Variants in COA1 observed in about 807,000 individuals in gnomAD.
The protein encoded by COA1 is cytochrome c oxidase assembly factor 1, also known as cytochrome c oxidase assembly factor 1 homolog.
A neutral mutation model predicts 16.0 loss-of-function variants in COA1; 13 were observed. The ratio of observed to expected loss-of-function variants is 0.81; its 90% CI spans 0.53 to 1.29. The LOEUF (loss-of-function observed/expected upper bound fraction) is 1.29, where lower values mean the gene tolerates loss of function less well. Ranked by LOEUF, COA1 falls within the 50% of genes most tolerant of loss-of-function variation. The pLI is 0.00. For missense variants in COA1, 179 were observed against 177.0 expected, an observed-to-expected ratio of 1.01 and a Z score of -0.06; for synonymous variants, 65 against 65.7, an observed-to-expected ratio of 0.99 and a Z score of 0.05.
chr7:43,719,196 G>A (rs1422226199), intron 1 of COA1, among the ~76,000 whole-genome samples: 1 of 152,110 alleles, frequency 6.6e-6, no homozygotes, highest in East Asian at 1.9e-4. Context: ...TCGAACTCCT[G>A]ACCTCAAGTG....
intron 1 of COA1, among the ~76,000 whole-genome samples, chr7:43,715,879 T>C (rs1379251599): frequency 6.6e-6 from 1 of 152,120 alleles, no homozygotes; most frequent in Non-Finnish European, 1.5e-5. Context: ...AATCGAATCA[T>C]GGGGGCAGTT....
intron 1 of COA1, among the ~76,000 whole-genome samples, chr7:43,716,499 G>T (rs546610275): frequency 6.6e-6 from 1 of 152,302 alleles, no homozygotes; most frequent in Non-Finnish European, 1.5e-5. Context: ...TCTAGCAGAA[G>T]AAATTTCTAA....
intron 6 of COA1, chr7:43,623,506 TCTCTTAGAG>T (rs1368166852): frequency 5.0e-6 from 7 of 1,390,398 alleles, no homozygotes; most frequent in Non-Finnish European, 7.0e-6. Context: ...TAGTTTTTTA[TCTCTTAGAG>T]CAAATTAGGA....
At chr7:43,716,428 A>AT in intron 1 of COA1, among the ~76,000 whole-genome samples, 1 of 152,322 alleles carries the variant, frequency 6.6e-6, no homozygotes, top group Admixed American at 6.5e-5. Flanking sequence ...GACTGGCAGC[A>AT]TTTTGCCCCA....
rs58589217 is a variant in COA1 at position 43,700,591 on chromosome 7, CGT to C, written c.-39+28836_-39+28837del. ...GTACACATATATACGTGTATATATA[CGT>C]GTGTGTGTGTGTGTGTGTGTGTGTG... On this transcript the variant is annotated intron_variant, in intron 1 of 5. Transcript: ENST00000223336. 3.9e-3 allele frequency among the ~76,000 whole-genome samples: 567 copies of C among 144,912 alleles called. 1 individual carries two copies. Among genetic ancestry groups the C allele is most frequent in the Non-Finnish European group, 5.8e-3 (383 of 66,604 alleles).
chr7:43,669,333 T>C (rs930740779), intron 1 of COA1, among the ~76,000 whole-genome samples: 4 of 152,140 alleles, frequency 2.6e-5, no homozygotes, highest in Admixed American at 1.3e-4. Context: ...CCCCAGCTCT[T>C]AGAGCCGAGT....
At chr7:43,699,939 T>G (rs909058852) in intron 1 of COA1, among the ~76,000 whole-genome samples, 2 of 152,108 alleles carry the variant, frequency 1.3e-5, no homozygotes, top group African/African-American at 4.8e-5. Context: ...CTAGTAGCTA[T>G]TAAGTATACA....
intron 2 of COA1, chr7:43,647,967 A>G: frequency 3.6e-6 from 1 of 279,780 alleles, no homozygotes. Context: ...CATGGCCAGG[A>G]AGCACAACCA....
At chr7:43,691,656 A>G (rs766862207) in intron 1 of COA1, among the ~76,000 whole-genome samples, 13 of 152,218 alleles carry the variant, frequency 8.5e-5, no homozygotes, top group Non-Finnish European at 1.8e-4. Context: ...AGATGGCAGA[A>G]TAAGAGGACA....
In COA1 at chr7:43,647,551, C is replaced by A. The variant is rs765466396; in HGVS notation, c.99G>T (p.Val33=). 2 of 1,613,636 alleles carry A rather than the reference C, an allele frequency of 1.2e-6. No homozygotes were observed. The highest frequency in any genetic ancestry group is 1.7e-5 in the Admixed American group (1 of 60,010). The change falls in exon 3 of 6, where the codon GTG becomes GTT. Residue 33 remains valine, a synonymous_variant. Transcript: ENST00000223336. Reference sequence around the variant, plus strand: ...GATACTTACTTTGAATGAGGTAATACACAATGGCAAAGCCCCCGGCATAGA... The same window carrying A: ...GATACTTACTTTGAATGAGGTAATAAACAATGGCAAAGCCCCCGGCATAGA... ...GVFYAGGFAI[V]YYLIQKFHSR... is the part of the protein sequence containing the mutation.
At chr7:43,727,206 A>G (rs2095634413) in intron 1 of COA1, among the ~76,000 whole-genome samples, 1 of 152,234 alleles carries the variant, frequency 6.6e-6, no homozygotes, top group African/African-American at 2.4e-5. Context: ...AATCAGAAAG[A>G]CAGATAATGA....
chr7:43,651,966 C>T (rs2090911533), intron 1 of COA1, among the ~76,000 whole-genome samples: 1 of 152,194 alleles, frequency 6.6e-6, no homozygotes. Flanking sequence ...CCCTGCACTC[C>T]AGCCTGGGCA....
At chr7:43,623,504 T>TA in intron 6 of COA1, 1 of 1,382,090 alleles carries the variant, frequency 7.2e-7, no homozygotes, top group Non-Finnish European at 1.0e-6. Context: ...CTTAGTTTTT[T>TA]ATCTCTTAGA....
chr7:43,644,751 TAGATAGATAGGCAGGCAGGC>T (rs2088463742), intron 4 of COA1, among the ~76,000 whole-genome samples: 1 of 117,458 alleles, frequency 8.5e-6, no homozygotes, highest in African/African-American at 3.6e-5. Context: ...GATAGATAGA[TAGATAGATAGGCAGGCAGGC>T]AGGCAGGCAG....
intron 1 of COA1, among the ~76,000 whole-genome samples, chr7:43,696,295 C>A (rs149886074): frequency 6.6e-6 from 1 of 152,328 alleles, no homozygotes; most frequent in African/African-American, 2.4e-5. Context: ...AGAATTCACA[C>A]TATCACGAGA....
At chr7:43,718,817 G>A (rs1418858849) in intron 1 of COA1, among the ~76,000 whole-genome samples, 1 of 151,950 alleles carries the variant, frequency 6.6e-6, no homozygotes, top group Non-Finnish European at 1.5e-5. Flanking sequence ...ATAAGTCTTG[G>A]GTGTCAGTTA....
intron 1 of COA1, among the ~76,000 whole-genome samples, chr7:43,654,890 T>A (rs1289745806): frequency 6.6e-6 from 1 of 152,230 alleles, no homozygotes; most frequent in Non-Finnish European, 1.5e-5. Context: ...TTCTTCTCTG[T>A]AACTACAAAT....
intron 6 of COA1, chr7:43,623,257 G>T: frequency 4.0e-6 from 1 of 247,296 alleles, no homozygotes; most frequent in Admixed American, 5.8e-5. Context: ...AGTTTTAAAA[G>T]CCATGATCTG....
intron 6 of COA1, among the ~76,000 whole-genome samples, chr7:43,621,475 T>C (rs901250339): frequency 1.3e-5 from 2 of 152,198 alleles, no homozygotes; most frequent in African/African-American, 2.4e-5. Flanking sequence ...TGTTTTGTTT[T>C]AATGCTTTCT....
Sources: allele counts gnomAD v4.1 joint callset (sites outside exome capture counted in the v4.1 genomes callset), GRCh38; gene constraint gnomAD v4.1.1; transcripts MANE v1.5; gene names NCBI Gene and HGNC (gene_info 2026-07-23, HGNC 2026-07-21).